The following CLSTN1 variants were observed in gnomAD, a reference collection of about 807,000 sequenced individuals.
CLSTN1 encodes calsyntenin 1, also known as calsyntenin-1.
Under a neutral mutation model 108.3 loss-of-function variants are expected in CLSTN1, and 28 were observed. The ratio of observed to expected loss-of-function variants is 0.26; its 90% CI spans 0.19 to 0.35. The LOEUF is 0.35. CLSTN1 is among the 10% of genes least tolerant of loss of function. The pLI is 1.00. For missense variants in CLSTN1, 1,157 were observed against 1,302.6 expected, an observed-to-expected ratio of 0.89 and a Z score of 1.72; for synonymous variants, 524 against 534.9, an observed-to-expected ratio of 0.98 and a Z score of 0.28.
chr1:9,753,568 T>C (rs1037050002), intron 4 of CLSTN1, among the ~76,000 whole-genome samples: 13 of 151,880 alleles, frequency 8.6e-5, no homozygotes, highest in Admixed American at 6.6e-5. Context: ...CTTGGCTCAG[T>C]GCAACCTCCA....
At chr1:9,742,932 T>C (rs1651054151) in intron 9 of CLSTN1, among the ~76,000 whole-genome samples, 1 of 152,066 alleles carries the variant, frequency 6.6e-6, no homozygotes, top group Non-Finnish European at 1.5e-5. Context: ...AGACAAATGC[T>C]ACCAACTGGA....
chr1:9,812,524 G>A (rs776064025), intron 1 of CLSTN1, among the ~76,000 whole-genome samples: 2 of 152,144 alleles, frequency 1.3e-5, no homozygotes, highest in Non-Finnish European at 2.9e-5. Flanking sequence ...CCAGGAGCCA[G>A]GCATAGAAGG....
intron 15 of CLSTN1, 40 bp from the exon 16 acceptor site, chr1:9,733,586 G>C (rs1249358197): frequency 6.2e-7 from 1 of 1,610,902 alleles, no homozygotes; most frequent in Non-Finnish European, 8.5e-7. Context: ...GGGTGGCTTA[G>C]GGCAGGAGCA....
Position 9,730,502 on chromosome 1 carries a change from C to T in CLSTN1, c.*6G>A, listed in dbSNP as rs760905356. The T allele has an allele frequency of 3.1e-6, 5 of 1,601,646 alleles. No homozygotes were observed. The highest frequency in any genetic ancestry group is 4.2e-6 in the Non-Finnish European group (5 of 1,179,702). On this transcript the variant is annotated 3_prime_UTR_variant, in exon 19 of 19. Transcript: ENST00000377298. The surrounding 1 kb of genome is among the most constrained non-coding windows in gnomAD (Gnocchi z 5.6). ...AAGCAGAAACCGAGGTGGCCGGGGG[C>T]ACGGGTCAGTAGCTGAGGGTGGAGT...
chr1:9,730,324 A>T lies in CLSTN1; in HGVS notation c.*184T>A. On this transcript the variant is annotated 3_prime_UTR_variant, in exon 19 of 19. Transcript: ENST00000377298. This position sits in a 1 kb window ranked among gnomAD's most constrained non-coding sequence, Gnocchi z 5.6. ...GCTCCTCGTGGGACTGAAGAGCGCG[A>T]CCAGGCAGAGGGTGGGCGGGGAGCC... is the stretch of plus-strand genomic sequence containing the variant. 1.5e-6 allele frequency: 1 copy of T among 658,672 alleles called. No individual in the cohort carries two copies. The highest frequency in any genetic ancestry group is 2.7e-6 in the Non-Finnish European group (1 of 369,148). 40.8% of individuals were successfully genotyped at this position (658,672 alleles called of 1,614,324 possible).
At chr1:9,751,296 C>T (rs1651546050) in intron 5 of CLSTN1, among the ~76,000 whole-genome samples, 177 bp downstream of exon 5, 1 of 152,098 alleles carries the variant, frequency 6.6e-6, no homozygotes, top group East Asian at 1.9e-4. Context: ...AAGAAGTTGT[C>T]AGGGAACAAA....
At chr1:9,821,829 C>G in intron 1 of CLSTN1, among the ~76,000 whole-genome samples, 1 of 152,058 alleles carries the variant, frequency 6.6e-6, no homozygotes, top group South Asian at 2.1e-4. Flanking sequence ...GTCTTTATTC[C>G]GAAGACTAAG....
intron 2 of CLSTN1, among the ~76,000 whole-genome samples, chr1:9,759,562 G>A (rs529774934): frequency 7.2e-5 from 11 of 152,352 alleles, no homozygotes; most frequent in African/African-American, 2.4e-4. Flanking sequence ...GATTACTGGC[G>A]TGAGCCACCG....
intron 7 of CLSTN1, among the ~76,000 whole-genome samples, chr1:9,745,031 C>A (rs1249599606): frequency 6.6e-6 from 1 of 152,144 alleles, no homozygotes; most frequent in Non-Finnish European, 1.5e-5. Flanking sequence ...GGATTACAGG[C>A]GTGAGCCACC....
At chr1:9,739,843 G>A (rs1223420246) in intron 10 of CLSTN1, among the ~76,000 whole-genome samples, 2 of 141,866 alleles carry the variant, frequency 1.4e-5, no homozygotes. Context: ...TTGAGACGGA[G>A]TTTCGCTCTG....
chr1:9,770,811 C>T (rs1157080964), intron 2 of CLSTN1, among the ~76,000 whole-genome samples: 2 of 151,518 alleles, frequency 1.3e-5, no homozygotes, highest in South Asian at 2.1e-4. Flanking sequence ...CTGGCCAACA[C>T]GGTGAAACCC....
intron 1 of CLSTN1, among the ~76,000 whole-genome samples, chr1:9,795,065 C>T (rs1037617364): frequency 4.0e-5 from 6 of 150,884 alleles, no homozygotes; most frequent in African/African-American, 7.3e-5. Context: ...CTTTGCACCC[C>T]TATTTTTTTT....
intron 1 of CLSTN1, among the ~76,000 whole-genome samples, chr1:9,777,076 C>T (rs1301794498): frequency 6.6e-6 from 1 of 151,082 alleles, no homozygotes; most frequent in Non-Finnish European, 1.5e-5. Context: ...AAAAATTAGC[C>T]GGGTGTGGTG....
At chr1:9,749,691 C>A (rs761301795) in intron 6 of CLSTN1, 45 bp from the exon 7 acceptor site, 2 of 1,610,798 alleles carry the variant, frequency 1.2e-6, no homozygotes, top group East Asian at 4.5e-5. Context: ...AAGGAAAACA[C>A]ACACTCTAGG....
chr1:9,741,318 A>C (rs1650974608), intron 9 of CLSTN1, 62 bp from the exon 10 acceptor site: 5 of 1,507,172 alleles, frequency 3.3e-6, no homozygotes, highest in South Asian at 1.2e-5. Context: ...ATCAATGCCC[A>C]TGGAAACCAA....
Position 9,744,524 on chromosome 1 carries a change from G to C in CLSTN1, c.1105C>G (p.Gln369Glu). 2 of 1,613,516 alleles carry C rather than the reference G, an allele frequency of 1.2e-6. No individual in the cohort carries two copies. Among genetic ancestry groups the C allele is most frequent in the Non-Finnish European group, 1.7e-6 (2 of 1,179,988 alleles). ...SDQVFEFNGT[Q>E]AVRIPDGVVS... ...ACGCCATCCGGGATCCTCACTGCCT[G>C]GGTGCCGTTGAACTCAAACACCTGG... The change falls in exon 8 of 19, where the codon CAG becomes GAG. Residue 369 changes from glutamine (Q) to glutamate (E), a missense_variant. Gln to Glu is a conservative substitution (Grantham distance 29). Coordinates refer to ENST00000377298, the MANE Select transcript of CLSTN1 (RefSeq NM_001009566.3).
chr1:9,772,445 T>C (rs575168873), intron 2 of CLSTN1, among the ~76,000 whole-genome samples: 13 of 152,184 alleles, frequency 8.5e-5, no homozygotes, highest in African/African-American at 3.1e-4. Context: ...AGTGCTGAGA[T>C]TACAGGCATG....
At position 9,749,783 on chromosome 1, in the gene CLSTN1, G is replaced by A; in HGVS notation, c.780C>T (p.Thr260=). ...DVLVKISIKP[T]CTPGWQGWNN... ...GCTCACCTTGCCACCCAGGGGTGCA[G>A]GTGGGCTTAATGCTGATCTTCACCA... Residue 260 remains threonine, a synonymous_variant, in exon 6 of 19, where the codon ACC becomes ACT. Transcript: ENST00000377298. 1 of 1,614,210 alleles carries A rather than the reference G, an allele frequency of 6.2e-7. No homozygotes were observed.
chr1:9,802,863 C>T (rs1654343907), intron 1 of CLSTN1, among the ~76,000 whole-genome samples: 2 of 130,524 alleles, frequency 1.5e-5, no homozygotes, highest in African/African-American at 2.8e-5. Context: ...CTCACTTTGT[C>T]GCCCAGGCTG....
Sources: allele counts gnomAD v4.1 joint callset (sites outside exome capture counted in the v4.1 genomes callset), GRCh38; gene constraint gnomAD v4.1.1; non-coding constraint Gnocchi (gnomAD v3.1); transcripts MANE v1.5; gene names NCBI Gene and HGNC (gene_info 2026-07-23, HGNC 2026-07-21).